Variants in CDH3 observed in about 807,000 individuals in gnomAD.
The protein encoded by CDH3 is cadherin 3.
Under a neutral mutation model 82.0 loss-of-function variants are expected in CDH3, and 54 were observed. The observed-to-expected ratio is 0.66, with a 90% CI of 0.53 to 0.83. CDH3 has a LOEUF of 0.83. Ranked by LOEUF, CDH3 falls within the 40% of genes least tolerant of loss-of-function variation. The probability of loss-of-function intolerance (pLI) is 0.00; values close to 1 mark genes in which losing one functional copy is unlikely to be tolerated. For missense variants in CDH3, 1,054 were observed against 1,084.6 expected (o/e 0.97, Z 0.40); for synonymous variants, 446 against 437.9 (o/e 1.02, Z -0.23).
downstream of CDH3, among the ~76,000 whole-genome samples, chr16:68,700,561 T>C (rs1028332173): frequency 2.0e-5 from 3 of 152,200 alleles, no homozygotes; most frequent in African/African-American, 7.2e-5. Context: ...TCCAACACTT[T>C]AAGAGGCTGA....
At chr16:68,701,368 T>C (rs1961890901), downstream of CDH3, among the ~76,000 whole-genome samples, 2 of 152,112 alleles carry the variant, frequency 1.3e-5, no homozygotes, top group African/African-American at 4.8e-5. Context: ...TTAGTGCCTG[T>C]AATAAGTAAA....
intron 1 of CDH3, among the ~76,000 whole-genome samples, chr16:68,718,403 G>C (rs1290696084): frequency 2.6e-5 from 4 of 152,240 alleles, no homozygotes; most frequent in Middle Eastern, 3.4e-3. Context: ...TGGCTGGCTG[G>C]GTGTGGTGGC....
Position 68,687,730 on chromosome 16 carries a change from G to C in CDH3, c.1789G>C (p.Glu597Gln), listed in dbSNP as rs763880904. 6.2e-7 allele frequency: 1 copy of C among 1,612,936 alleles called. No individual in the cohort carries two copies. Among genetic ancestry groups the C allele is most frequent in the Admixed American group, 1.7e-5 (1 of 59,994 alleles). Reference sequence around the variant, plus strand: ...CATCTACTGGACGGCAGAGGTCAACGAGGAAGGTACCTGAGTGAGTGGTGG... The same window carrying C: ...CATCTACTGGACGGCAGAGGTCAACCAGGAAGGTACCTGAGTGAGTGGTGG... ...SDIYWTAEVN[E>Q]EGDTVVLSLK... The change falls in exon 12 of 16, where the codon GAG becomes CAG. Residue 597 changes from glutamate to glutamine, a missense_variant. Physicochemically the swap from Glu to Gln is conservative, Grantham distance 29 (BLOSUM62 2). Coordinates refer to ENST00000264012, the MANE Select transcript of CDH3 (RefSeq NM_001793.6).
chr16:68,707,530 C>T lies in CDH3; in HGVS notation c.99+11607C>T, dbSNP rs1414090330. ...CTAGGAGATTCCTCTCTCGGGGAACCGGGGAGCCTGTCTGAGAGCGCCCTG... is the reference window on the plus strand; with the variant it reads ...CTAGGAGATTCCTCTCTCGGGGAACTGGGGAGCCTGTCTGAGAGCGCCCTG... On this transcript the variant is annotated intron_variant, in intron 1 of 2. Coordinates refer to the CDH3 transcript ENST00000569080. This position sits in a 1 kb window ranked among gnomAD's most constrained non-coding sequence, Gnocchi z 4.5. 6.6e-6 allele frequency among the ~76,000 whole-genome samples: 1 copy of T among 152,126 alleles called. No homozygotes were observed. The highest frequency in any genetic ancestry group is 1.9e-4 in the East Asian group (1 of 5,190).
chr16:68,674,242 G>T (rs1960970519), intron 2 of CDH3, among the ~76,000 whole-genome samples: 1 of 152,014 alleles, frequency 6.6e-6, no homozygotes, highest in Admixed American at 6.6e-5. Flanking sequence ...CATGTGAAGT[G>T]GTATCTCATT....
At chr16:68,657,659 G>C (rs923880954) in intron 2 of CDH3, among the ~76,000 whole-genome samples, 2 of 152,116 alleles carry the variant, frequency 1.3e-5, no homozygotes. Context: ...GCCTCCCTTC[G>C]TGAGAGCCTC....
chr16:68,681,837 AAAAAT>A (rs1404917653), intron 8 of CDH3, among the ~76,000 whole-genome samples: 10 of 152,044 alleles, frequency 6.6e-5, no homozygotes, highest in South Asian at 2.1e-4. Flanking sequence ...GACTGTCTAA[AAAAAT>A]AAAATAAAAA....
chr16:68,695,274 TTTG>T lies in CDH3; in HGVS notation c.2026_2028del (p.Leu676del), dbSNP rs1961684197. On this transcript the variant is annotated inframe_deletion, in exon 14 of 16. Coordinates refer to ENST00000264012, the MANE Select transcript of CDH3 (RefSeq NM_001793.6). ...TTGCAGTCCTCCTGCTGGTGCTGCT[TTTG>T]TTGGTGAGAAAGAAGCGGAAGATCA... 6.2e-7 allele frequency: 1 copy of T among 1,613,898 alleles called. No homozygotes were observed.
At position 68,649,208 on chromosome 16, in the gene CDH3, C is replaced by T. The variant is rs189256959; in HGVS notation, c.160+3458C>T. 3.8e-3 allele frequency among the ~76,000 whole-genome samples: 578 copies of T among 152,220 alleles called. 1 individual carries two copies. The highest frequency in any genetic ancestry group is 0.034 in the Middle Eastern group (10 of 294). ...TAATGGCAGTCAAACAGATGCAGTC[C>T]TTCATTATGGCCTTCAGCAGGATCA... On this transcript the variant is annotated intron_variant, in intron 2 of 15. Coordinates refer to ENST00000264012, the MANE Select transcript of CDH3 (RefSeq NM_001793.6).
intron 2 of CDH3, among the ~76,000 whole-genome samples, chr16:68,666,494 G>T (rs964700115): frequency 1.3e-5 from 2 of 152,106 alleles, no homozygotes; most frequent in African/African-American, 4.8e-5. Flanking sequence ...GGCCTCTTGG[G>T]ATCCCAGCAT....
Position 68,645,704 on chromosome 16 carries a change from G to A in CDH3, c.114G>A (p.Leu38=), listed in dbSNP as rs1415427163. The A allele has an allele frequency of 5.8e-6, 9 of 1,545,832 alleles. No individual in the cohort carries two copies. In the South Asian group the frequency reaches 6.0e-5, roughly 10 times the overall value. The change falls in exon 2 of 16, where the codon TTG becomes TTA. Residue 38 remains leucine (L), a synonymous_variant. Coordinates refer to ENST00000264012, the MANE Select transcript of CDH3 (RefSeq NM_001793.6). The part of the protein sequence containing the change: ...RAVFREAEVT[L]EAGGAEQEPG... ...TCTTCAGGGAGGCTGAAGTGACCTT[G>A]GAGGCGGGAGGCGCGGAGCAGGAGC...
intron 2 of CDH3, among the ~76,000 whole-genome samples, chr16:68,649,615 C>G (rs571238550): frequency 1.3e-5 from 2 of 152,264 alleles, no homozygotes; most frequent in South Asian, 4.2e-4. Flanking sequence ...CATTATCTCA[C>G]GGTGCAGGGC....
At chr16:68,657,957 C>T (rs1361170133) in intron 2 of CDH3, among the ~76,000 whole-genome samples, 2 of 152,168 alleles carry the variant, frequency 1.3e-5, no homozygotes, top group South Asian at 2.1e-4. Context: ...CGTTGATCCC[C>T]AGGAATTAAC....
At chr16:68,671,765 G>A (rs1377525627) in intron 2 of CDH3, among the ~76,000 whole-genome samples, 4 of 151,886 alleles carry the variant, frequency 2.6e-5, no homozygotes, top group African/African-American at 7.3e-5. Context: ...CAGGTGATCC[G>A]CCCATCTTGC....
At chr16:68,722,098 C>T (rs975026010) in intron 1 of CDH3, among the ~76,000 whole-genome samples, 1 of 152,142 alleles carries the variant, frequency 6.6e-6, no homozygotes, top group Non-Finnish European at 1.5e-5. Context: ...ACAACAACAT[C>T]AACAACAACA....
At chr16:68,730,404 T>C (rs1388187877), downstream of CDH3, among the ~76,000 whole-genome samples, 1 of 151,982 alleles carries the variant, frequency 6.6e-6, no homozygotes, top group Non-Finnish European at 1.5e-5. Context: ...TACATGCCTG[T>C]AATCCTAGCT....
At chr16:68,717,590 T>C (rs1473252581) in intron 1 of CDH3, among the ~76,000 whole-genome samples, 1 of 152,000 alleles carries the variant, frequency 6.6e-6, no homozygotes, top group Non-Finnish European at 1.5e-5. Flanking sequence ...CTGGCCAACA[T>C]GGTGAAACCC....
intron 2 of CDH3, chr16:68,651,709 G>A: frequency 1.9e-6 from 1 of 515,938 alleles, no homozygotes; most frequent in Non-Finnish European, 3.9e-6. Flanking sequence ...TCTAGCTGGT[G>A]CCAGTTCTGC....
At chr16:68,669,619 G>C (rs113319937) in intron 2 of CDH3, among the ~76,000 whole-genome samples, 72 of 104,084 alleles carry the variant, frequency 6.9e-4, no homozygotes, top group African/African-American at 3.0e-3. Context: ...GGGGTGGCGG[G>C]GGGGGTGGGC....
Sources: allele counts gnomAD v4.1 joint callset (sites outside exome capture counted in the v4.1 genomes callset), GRCh38; gene constraint gnomAD v4.1.1; non-coding constraint Gnocchi (gnomAD v3.1); transcripts MANE v1.5; gene names NCBI Gene and HGNC (gene_info 2026-07-23, HGNC 2026-07-21).